Variants in COL8A1 observed in about 807,000 individuals in gnomAD.
COL8A1 encodes collagen type VIII alpha 1 chain.
In COL8A1, 21 loss-of-function variants were observed where a neutral mutation model predicts 42.7. The observed-to-expected ratio is 0.49, with a 90% CI of 0.35 to 0.71. The LOEUF (loss-of-function observed/expected upper bound fraction) is 0.71, where lower values mean the gene tolerates loss of function less well. Ranked by LOEUF, COL8A1 falls within the 30% of genes least tolerant of loss-of-function variation. The pLI is 0.01. For missense variants in COL8A1, 788 were observed against 962.4 expected (o/e 0.82, Z 2.40); for synonymous variants, 367 against 369.1 (o/e 0.99, Z 0.06).
intron 1 of COL8A1, among the ~76,000 whole-genome samples, chr3:99,738,242 A>G (rs1030825490): frequency 1.3e-5 from 2 of 152,224 alleles, no homozygotes; most frequent in African/African-American, 4.8e-5. Flanking sequence ...GTCATTCTCC[A>G]TCCAGCTTTG....
intron 2 of COL8A1, among the ~76,000 whole-genome samples, chr3:99,763,484 C>T (rs943785456): frequency 2.0e-5 from 3 of 152,126 alleles, no homozygotes; most frequent in East Asian, 1.9e-4. Context: ...ATACCTACAT[C>T]GCACTTACTT....
At chr3:99,736,996 T>G (rs944511071) in intron 1 of COL8A1, among the ~76,000 whole-genome samples, 2 of 152,190 alleles carry the variant, frequency 1.3e-5, no homozygotes. Context: ...ATGGCCTTCT[T>G]TGTCTCTTTT....
intron 1 of COL8A1, among the ~76,000 whole-genome samples, chr3:99,713,425 A>G (rs1307586062): frequency 6.6e-6 from 1 of 152,120 alleles, no homozygotes; most frequent in East Asian, 1.9e-4. Context: ...TGCTCCCTCA[A>G]GCAACAGATT....
At chr3:99,782,853 C>T (rs1448025758) in intron 2 of COL8A1, among the ~76,000 whole-genome samples, 1 of 152,116 alleles carries the variant, frequency 6.6e-6, no homozygotes, top group Non-Finnish European at 1.5e-5. Context: ...TGGGTCCGAA[C>T]TAAAACTTAG....
chr3:99,772,379 T>C (rs528623579), intron 2 of COL8A1, among the ~76,000 whole-genome samples: 10 of 152,226 alleles, frequency 6.6e-5, no homozygotes, highest in South Asian at 2.1e-4. Flanking sequence ...CCCAGTACAA[T>C]ACATGTCATT....
At position 99,795,922 on chromosome 3, in the gene COL8A1, T is replaced by C. The variant is rs1196399388; in HGVS notation, c.2021T>C (p.Val674Ala). 6.2e-7 allele frequency: 1 copy of C among 1,614,180 alleles called. No individual in the cohort carries two copies. The highest frequency in any genetic ancestry group is 1.7e-5 in the Admixed American group (1 of 60,028). Residue 674 changes from valine (V) to alanine (A), a missense_variant, in exon 4 of 4, where the codon GTG becomes GCG. Val to Ala is a moderately conservative substitution (Grantham distance 64). This residue lies in a region of COL8A1 where 212 missense variants were observed against 210.9 expected (regional missense o/e 1.00). Transcript: ENST00000652472. ...CACGTTCACTGCAAGGGGGGCAACG[T>C]GTGGGTTGCTCTATTCAAGAACAAC... Reference protein sequence around the residue: ...AYHVHCKGGNVWVALFKNNEP... With the variant: ...AYHVHCKGGNAWVALFKNNEP...
chr3:99,674,938 C>T (rs1938648837), intron 1 of COL8A1, among the ~76,000 whole-genome samples: 1 of 152,104 alleles, frequency 6.6e-6, no homozygotes, highest in Non-Finnish European at 1.5e-5. Context: ...CTACATGTGT[C>T]ATCTAAGCTT....
chr3:99,746,932 C>G (rs542030694), intron 2 of COL8A1, among the ~76,000 whole-genome samples: 72 of 152,168 alleles, frequency 4.7e-4, no homozygotes, highest in African/African-American at 1.7e-3. Flanking sequence ...TGAAAATGGA[C>G]TTGGTTTAAC....
At chr3:99,781,407 T>C (rs776785300) in intron 2 of COL8A1, among the ~76,000 whole-genome samples, 9 of 152,334 alleles carry the variant, frequency 5.9e-5, no homozygotes, top group African/African-American at 1.2e-4. Context: ...CCATGTAAGA[T>C]AGAAACTTAA....
intron 1 of COL8A1, among the ~76,000 whole-genome samples, chr3:99,716,678 C>T (rs1940006796): frequency 6.6e-6 from 1 of 151,980 alleles, no homozygotes; most frequent in Admixed American, 6.6e-5. Context: ...GTGACACAAG[C>T]CACAATTACA....
rs570806236 is a variant in COL8A1 at position 99,796,459 on chromosome 3, C to T, written c.*323C>T. The T allele has an allele frequency of 2.0e-4, 40 of 204,650 alleles. No homozygotes were observed. Among genetic ancestry groups the T allele is most frequent in the Non-Finnish European group, 3.8e-4 (39 of 102,838 alleles). The allele number at this position is 204,650 out of a possible 1,614,324, so 12.7% of individuals were successfully genotyped here. A position where few individuals can be genotyped will look rare whatever the true frequency, so the allele number is the denominator to read the frequency against. On this transcript the variant is annotated 3_prime_UTR_variant, in exon 4 of 4. Coordinates refer to ENST00000652472, the MANE Select transcript of COL8A1 (RefSeq NM_020351.4). ...CTTATTCAGATCAGTCAAAATATAT[C>T]AGTATGAAAGATCATAGCTAATGAA...
intron 1 of COL8A1, among the ~76,000 whole-genome samples, chr3:99,666,338 C>T (rs954414415): frequency 3.3e-5 from 5 of 152,028 alleles, no homozygotes; most frequent in African/African-American, 4.8e-5. Flanking sequence ...TCCTTGAGCT[C>T]CTTGAGCTTC....
At chr3:99,671,203 G>T (rs1576423451) in intron 1 of COL8A1, among the ~76,000 whole-genome samples, 1 of 152,010 alleles carries the variant, frequency 6.6e-6, no homozygotes, top group African/African-American at 2.4e-5. Context: ...TAACAAGTAA[G>T]TTTATGTGAT....
At position 99,737,978 on chromosome 3, in the gene COL8A1, A is replaced by T. The variant is rs1346177619; in HGVS notation, c.-128-6919A>T. 3.3e-5 allele frequency among the ~76,000 whole-genome samples: 5 copies of T among 151,092 alleles called. No homozygotes were observed. The East Asian group carries it at 9.7e-4, about 29-fold the overall frequency. On this transcript the variant is annotated intron_variant, in intron 1 of 3. Coordinates refer to ENST00000652472, the MANE Select transcript of COL8A1 (RefSeq NM_020351.4). ...CTTCTCGCTTCATTTCATTCATTTCATCTTCCATTGCTGATACCCTTTCTT... is the reference window on the plus strand; with the variant it reads ...CTTCTCGCTTCATTTCATTCATTTCTTCTTCCATTGCTGATACCCTTTCTT...
chr3:99,742,254 G>A (rs906703120), intron 1 of COL8A1, among the ~76,000 whole-genome samples: 1 of 152,040 alleles, frequency 6.6e-6, no homozygotes, highest in African/African-American at 2.4e-5. Context: ...ATAAATGCAG[G>A]TCAGACCATA....
intron 2 of COL8A1, among the ~76,000 whole-genome samples, chr3:99,764,107 A>G (rs1302976518): frequency 6.6e-6 from 1 of 152,222 alleles, no homozygotes; most frequent in Non-Finnish European, 1.5e-5. Flanking sequence ...ATCACCCACC[A>G]GAGGCCTGGA....
intron 1 of COL8A1, among the ~76,000 whole-genome samples, chr3:99,706,813 A>G (rs1259085598): frequency 1.3e-5 from 2 of 152,218 alleles, no homozygotes; most frequent in Admixed American, 6.5e-5. Context: ...TTTACTGTTC[A>G]TGAATAATAT....
Position 99,794,860 on chromosome 3 carries a change from A to C in COL8A1, c.959A>C (p.Gln320Pro), listed in dbSNP as rs1457855944. Residue 320 changes from glutamine (Q) to proline (P), a missense_variant, in exon 4 of 4, where the codon CAG (glutamine) becomes CCG (proline). By Grantham distance (76) the Gln-to-Pro change is moderately conservative. This residue lies in a region of COL8A1 where 421 missense variants were observed against 553.1 expected (regional missense o/e 0.76). Transcript: ENST00000652472. This position sits in a 1 kb window ranked among gnomAD's most constrained non-coding sequence, Gnocchi z 4.3. ...PGIPGIGKPG[Q>P]DGIPGQPGFP... ...ATACCCGGAATTGGAAAGCCAGGCC[A>C]GGATGGGATCCCAGGCCAGCCAGGA... is the stretch of plus-strand genomic sequence containing the variant. 6.2e-7 allele frequency: 1 copy of C among 1,611,870 alleles called. No individual in the cohort carries two copies. Among genetic ancestry groups the C allele is most frequent in the Non-Finnish European group, 8.5e-7 (1 of 1,179,012 alleles).
chr3:99,665,344 C>T (rs528458474), intron 1 of COL8A1, among the ~76,000 whole-genome samples: 2 of 152,336 alleles, frequency 1.3e-5, no homozygotes, highest in African/African-American at 4.8e-5. Context: ...CTCCAACTTT[C>T]CCCCATCTTT....
Sources: allele counts gnomAD v4.1 joint callset (sites outside exome capture counted in the v4.1 genomes callset), GRCh38; gene constraint gnomAD v4.1.1; regional missense constraint gnomAD v4.1.1; non-coding constraint Gnocchi (gnomAD v3.1); transcripts MANE v1.5; gene names NCBI Gene and HGNC (gene_info 2026-07-23, HGNC 2026-07-21).